The following ASRGL1 variants were observed in gnomAD, a reference collection of about 807,000 sequenced individuals.
The protein encoded by ASRGL1 is asparaginase and isoaspartyl peptidase 1.
ASRGL1 carries 16 observed loss-of-function variants against 22.4 expected under a neutral mutation model. The ratio of observed to expected loss-of-function variants is 0.71; its 90% CI spans 0.48 to 1.08. ASRGL1 has a LOEUF of 1.08. Among genes scored for constraint, ASRGL1 ranks in the 50% least tolerant of loss-of-function variants. The probability of loss-of-function intolerance (pLI) is 0.00; values close to 1 mark genes in which losing one functional copy is unlikely to be tolerated. For missense variants in ASRGL1, 412 were observed against 410.1 expected, an observed-to-expected ratio of 1.00 and a Z score of -0.04; for synonymous variants, 165 against 159.3, an observed-to-expected ratio of 1.04 and a Z score of -0.27.
At chr11:62,380,013 TG>T (rs1197153929) in intron 4 of ASRGL1, among the ~76,000 whole-genome samples, 1 of 152,182 alleles carries the variant, frequency 6.6e-6, no homozygotes, top group African/African-American at 2.4e-5. Flanking sequence ...AGTTATATTT[TG>T]TTTTTTTGAG....
intron 2 of ASRGL1, 88 bp downstream of exon 2, chr11:62,338,255 C>G: frequency 7.7e-7 from 1 of 1,296,656 alleles, no homozygotes; most frequent in Non-Finnish European, 1.0e-6. Flanking sequence ...GTTAGGGAAT[C>G]TAATGAGCTT....
intron 4 of ASRGL1, among the ~76,000 whole-genome samples, chr11:62,381,404 T>C (rs1360624632): frequency 6.6e-6 from 1 of 152,216 alleles, no homozygotes; most frequent in African/African-American, 2.4e-5. Context: ...ATGTGAACTT[T>C]TGAACTTTCC....
In ASRGL1 at chr11:62,338,080, T is replaced by A; in HGVS notation, c.103T>A (p.Tyr35Asn). 1 of 1,607,882 alleles carries A rather than the reference T, an allele frequency of 6.2e-7. No homozygotes were observed. The highest frequency in any genetic ancestry group is 8.5e-7 in the Non-Finnish European group (1 of 1,177,626). ...CATGGTCAGAGCCGCCACCGTGGGC[T>A]ACGGCATCCTCCGGGAGGGCGGGAG... ...QGMVRAATVG[Y>N]GILREGGSAV... is the part of the protein sequence containing the mutation. Residue 35 changes from tyrosine (Y) to asparagine (N), a missense_variant, in exon 2 of 7, where the codon TAC (tyrosine) becomes AAC (asparagine). Tyr to Asn is a moderately radical substitution (Grantham distance 143, BLOSUM62 -2). Coordinates refer to ENST00000415229, the MANE Select transcript of ASRGL1 (RefSeq NM_001083926.2).
intron 4 of ASRGL1, chr11:62,373,078 T>C (rs1367544385): frequency 1.2e-5 from 17 of 1,458,512 alleles, no homozygotes; most frequent in Admixed American, 8.4e-5. Flanking sequence ...CCGGTCGCCA[T>C]GGGCTACTCA....
At chr11:62,383,627 A>AAAAAAAAAAAAAAAAAAAAAAC (rs1281531653) in intron 4 of ASRGL1, among the ~76,000 whole-genome samples, 1 of 137,010 alleles carries the variant, frequency 7.3e-6, no homozygotes, top group Non-Finnish European at 1.6e-5. Flanking sequence ...AAAAAAAAAA[A>AAAAAAAAAAAAAAAAAAAAAAC]AGAACATCAT....
chr11:62,374,912 C>A (rs1448252485), intron 4 of ASRGL1, among the ~76,000 whole-genome samples: 1 of 152,174 alleles, frequency 6.6e-6, no homozygotes, highest in East Asian at 1.9e-4. Flanking sequence ...CTGGACAGGT[C>A]TCTCCTGGAA....
chr11:62,371,809 C>A, intron 4 of ASRGL1: 1 of 483,168 alleles, frequency 2.1e-6, no homozygotes, highest in Non-Finnish European at 3.8e-6. Flanking sequence ...AAAAAATTAG[C>A]CGGGCGTGGT....
At chr11:62,384,626 ACAT>A (rs372864357) in intron 4 of ASRGL1, among the ~76,000 whole-genome samples, 110 of 150,238 alleles carry the variant, frequency 7.3e-4, no homozygotes, top group East Asian at 7.0e-3. Context: ...GTATATCAAA[ACAT>A]TCATGGCTGG....
downstream of ASRGL1, among the ~76,000 whole-genome samples, chr11:62,394,220 TTA>T (rs1482803741): frequency 9.1e-6 from 1 of 110,344 alleles, no homozygotes; most frequent in East Asian, 2.2e-4. Flanking sequence ...ATATATAATA[TTA>T]TATATTTTAT....
chr11:62,385,820 C>T (rs189414350), intron 4 of ASRGL1, among the ~76,000 whole-genome samples: 8 of 152,274 alleles, frequency 5.3e-5, no homozygotes, highest in South Asian at 2.1e-4. Context: ...GCCAAGATCA[C>T]GCCATTGCAC....
Position 62,362,891 on chromosome 11 carries a change from A to ATTTTTT in ASRGL1, c.491+5787_491+5792dup, listed in dbSNP as rs60507577. ...GGCTACTTCACCTTTAAAGGATTTA[A>ATTTTTT]TTTTTTTTTTTTTTTTTTTTTTTTT... On this transcript the variant is annotated intron_variant, in intron 4 of 6. Transcript: ENST00000415229. Among the ~76,000 whole-genome samples the ATTTTTT allele has an allele frequency of 1.6e-4, 8 of 50,366 alleles. 2 individuals carry two copies. The highest frequency in any genetic ancestry group is 7.8e-4 in the African/African-American group (8 of 10,258). 33.0% of individuals were successfully genotyped at this position (50,366 alleles called of 152,430 possible). A position where few individuals can be genotyped will look rare whatever the true frequency, so the allele number is the denominator to read the frequency against.
chr11:62,354,586 G>C (rs575768121), intron 2 of ASRGL1, among the ~76,000 whole-genome samples: 1 of 152,160 alleles, frequency 6.6e-6, no homozygotes, highest in Non-Finnish European at 1.5e-5. Context: ...TACTGCAGCT[G>C]ATCTGCTTGG....
chr11:62,341,769 T>C (rs1945868841), intron 2 of ASRGL1, among the ~76,000 whole-genome samples: 1 of 152,214 alleles, frequency 6.6e-6, no homozygotes, highest in Non-Finnish European at 1.5e-5. Flanking sequence ...TATAGTCATG[T>C]AACTGCCACC....
intron 4 of ASRGL1, among the ~76,000 whole-genome samples, chr11:62,388,204 C>T (rs1369175314): frequency 6.6e-6 from 1 of 152,164 alleles, no homozygotes; most frequent in Non-Finnish European, 1.5e-5. Flanking sequence ...CTCATGGGAC[C>T]ACCATCCTAT....
chr11:62,381,830 G>T, intron 4 of ASRGL1: 1 of 152,636 alleles, frequency 6.6e-6, no homozygotes, highest in South Asian at 1.9e-4. Context: ...CCACAAGACT[G>T]ACTGTAGACG....
chr11:62,354,934 G>C (rs185302230), intron 2 of ASRGL1, among the ~76,000 whole-genome samples: 83 of 152,196 alleles, frequency 5.5e-4, no homozygotes, highest in African/African-American at 1.9e-3. Flanking sequence ...GGAGTGCCAA[G>C]TCAGATTTCT....
At chr11:62,346,223 G>A (rs1946017268) in intron 2 of ASRGL1, among the ~76,000 whole-genome samples, 1 of 152,164 alleles carries the variant, frequency 6.6e-6, no homozygotes, top group African/African-American at 2.4e-5. Flanking sequence ...TAATTTGCTA[G>A]GGTAGCTCAC....
At position 62,393,108 on chromosome 11, in the gene ASRGL1, G is replaced by A. The variant is rs1339880105; in HGVS notation, c.*824G>A. 1.3e-5 allele frequency: 2 copies of A among 152,230 alleles called. No individual in the cohort carries two copies. The highest frequency in any genetic ancestry group is 1.9e-4 in the East Asian group (1 of 5,196). 9.4% of individuals were successfully genotyped at this position (152,230 alleles called of 1,614,324 possible). A position where few individuals can be genotyped will look rare whatever the true frequency, so the allele number is the denominator to read the frequency against. ...TCAGGGCCTCTCCAACAACAGAGAG[G>A]AGCTGATGCTGTAGGGCTGACCCCG... On this transcript the variant is annotated 3_prime_UTR_variant, in exon 7 of 7. Coordinates refer to ENST00000415229, the MANE Select transcript of ASRGL1 (RefSeq NM_001083926.2).
Position 62,391,614 on chromosome 11 carries a change from C to T in ASRGL1, c.703C>T (p.Leu235=). 6.2e-7 allele frequency: 1 copy of T among 1,610,310 alleles called. No homozygotes were observed. The highest frequency in any genetic ancestry group is 8.5e-7 in the Non-Finnish European group (1 of 1,178,186). The stretch of plus-strand genomic sequence containing the variant: ...GAAGGTGAACCTGGCTAGACTCACC[C>T]TGTTCCACATAGAACAAGGTACACA... ...ILKVNLARLT[L]FHIEQGKTVE... The change falls in exon 6 of 7, where the codon CTG becomes TTG. Residue 235 remains leucine (L), a synonymous_variant. Transcript: ENST00000415229.
Sources: gnomAD v4.1 joint callset for allele counts (sites outside exome capture counted in the v4.1 genomes callset) on GRCh38, gnomAD v4.1.1 for gene constraint, MANE v1.5 for transcripts, NCBI Gene and HGNC (gene_info 2026-07-23, HGNC 2026-07-21) for gene names.